OOEP: variants seen among roughly 807,000 people sequenced by gnomAD.
The protein encoded by OOEP is oocyte expressed protein.
In OOEP, 16 loss-of-function variants were observed where a neutral mutation model predicts 13.7. The ratio of observed to expected loss-of-function variants is 1.16; its 90% confidence interval spans 0.79 to 1.77. OOEP has a LOEUF of 1.77. Ranked by LOEUF, OOEP falls within the 40% of genes most tolerant of loss-of-function variation. OOEP has a pLI of 0.00. For synonymous variants in OOEP, 89 were observed against 77.1 expected, an observed-to-expected ratio of 1.15 and a Z score of -0.81; for missense variants, 195 against 193.1, an observed-to-expected ratio of 1.01 and a Z score of -0.06.
chr6:73,385,080 C>T (rs2150782436), intron 2 of OOEP, among the ~76,000 whole-genome samples: 1 of 150,002 alleles, frequency 6.7e-6, no homozygotes, highest in East Asian at 2.1e-4. Flanking sequence ...GGCGTGGTGG[C>T]TCACGCCTGT....
At chr6:73,379,797 T>C (rs1769178047) in intron 2 of OOEP, among the ~76,000 whole-genome samples, 1 of 152,064 alleles carries the variant, frequency 6.6e-6, no homozygotes, top group South Asian at 2.1e-4. Context: ...CCCAACCTGG[T>C]CTTAAACTCC....
upstream of OOEP, among the ~76,000 whole-genome samples, chr6:73,371,698 C>T (rs989800839): frequency 6.6e-6 from 1 of 151,414 alleles, no homozygotes; most frequent in African/African-American, 2.4e-5. Flanking sequence ...TGTCGTGAGC[C>T]AAGATCACAC....
chr6:73,370,754 C>T (rs1352393642), upstream of OOEP, among the ~76,000 whole-genome samples: 7 of 152,138 alleles, frequency 4.6e-5, no homozygotes, highest in Middle Eastern at 3.2e-3. Context: ...TATACTATTT[C>T]GTTCTTACAA....
rs1035144497 is a variant in OOEP at position 73,387,373 on chromosome 6, G to T, written c.25+6973C>A. Among the ~76,000 whole-genome samples, 7 of 151,882 alleles carry T rather than the reference G, an allele frequency of 4.6e-5. No individual in the cohort carries two copies. The East Asian group carries it at 1.2e-3, about 25-fold the overall frequency. Reference sequence around the variant, plus strand: ...AAAATACAAGAAAAAAATTAGCCGGGTGTGGTGGCAGGTGCCTTTAATCCC... The same window carrying T: ...AAAATACAAGAAAAAAATTAGCCGGTTGTGGTGGCAGGTGCCTTTAATCCC... On this transcript the variant is annotated intron_variant, in intron 2 of 3. Coordinates refer to the OOEP transcript ENST00000370363.
At position 73,368,669 on chromosome 6, in the gene OOEP, C is replaced by T; in HGVS notation, c.*115G>A. 4.3e-6 allele frequency: 3 copies of T among 697,758 alleles called. No homozygotes were observed. Among genetic ancestry groups the T allele is most frequent in the Non-Finnish European group, 7.6e-6 (3 of 395,122 alleles). The allele number at this position is 697,758 out of a possible 1,614,324, so 43.2% of individuals were successfully genotyped here. ...TCTTGCAACAAAATAAACCACAATC[C>T]ATCAAGACACAGGAAAAAGGAATAC... On this transcript the variant is annotated 3_prime_UTR_variant, in exon 3 of 3. Coordinates refer to ENST00000370359, the MANE Select transcript of OOEP (RefSeq NM_001080507.3).
chr6:73,388,165 C>T (rs1769299876), intron 2 of OOEP, among the ~76,000 whole-genome samples: 1 of 152,176 alleles, frequency 6.6e-6, no homozygotes, highest in Non-Finnish European at 1.5e-5. Context: ...GCGTGAGACA[C>T]CGCACTGGGC....
chr6:73,377,933 C>T (rs1769156205), intron 2 of OOEP, among the ~76,000 whole-genome samples: 1 of 152,106 alleles, frequency 6.6e-6, no homozygotes, highest in South Asian at 2.1e-4. Flanking sequence ...CCTTGGCCTT[C>T]CTGAAGTGCT....
upstream of OOEP, among the ~76,000 whole-genome samples, chr6:73,372,648 G>T (rs192854123): frequency 9.3e-4 from 141 of 152,300 alleles, no homozygotes; most frequent in South Asian, 2.3e-3. Flanking sequence ...CTCCTTGGAA[G>T]CCTGGGGACA....
Position 73,376,364 on chromosome 6 carries a change from T to G in OOEP, c.26-6979A>C, listed in dbSNP as rs1308234811. 7.8e-4 allele frequency among the ~76,000 whole-genome samples: 76 copies of G among 97,604 alleles called. 1 individual carries two copies. The highest frequency in any genetic ancestry group is 1.3e-3 in the East Asian group (4 of 3,088). The allele number at this position is 97,604 out of a possible 152,430, so 64.0% of individuals were successfully genotyped here. A position where few individuals can be genotyped will look rare whatever the true frequency, so the allele number is the denominator to read the frequency against. On this transcript the variant is annotated intron_variant, in intron 2 of 3. Transcript: ENST00000370363. ...GGGTTGTTTTTTTTTTTTTTTTTTT[T>G]TTTTTTTTGAATACAACATTCCACA... is the stretch of plus-strand genomic sequence containing the variant.
exon 1 of OOEP, chr6:73,394,963 A>G: frequency 6.2e-7 from 1 of 1,614,258 alleles, no homozygotes; most frequent in Non-Finnish European, 8.5e-7. Context: ...TAGTCGGCGA[A>G]GCTCGACAGT....
rs1460031662 is a variant in OOEP at position 73,393,115 on chromosome 6, A to ATT, written c.25+1229_25+1230dup. 8.4e-3 allele frequency among the ~76,000 whole-genome samples: 1,179 copies of ATT among 140,202 alleles called. 14 individuals are homozygous for ATT. Among genetic ancestry groups the ATT allele is most frequent in the African/African-American group, 0.028 (1,125 of 39,508 alleles). The allele number at this position is 140,202 out of a possible 152,430, so 92.0% of individuals were successfully genotyped here. On this transcript the variant is annotated intron_variant, in intron 2 of 3. Coordinates refer to the OOEP transcript ENST00000370363. Reference sequence around the variant, plus strand: ...GGATGATTGAACTGAAAAAAAAAAAATTTTTTTTTTTTGAGACAGGGTCTC... The same window carrying ATT: ...GGATGATTGAACTGAAAAAAAAAAAATTTTTTTTTTTTTTGAGACAGGGTCTC...
upstream of OOEP, among the ~76,000 whole-genome samples, chr6:73,371,857 G>A (rs1029913362): frequency 6.6e-6 from 1 of 152,172 alleles, no homozygotes; most frequent in Non-Finnish European, 1.5e-5. Flanking sequence ...GAACCCCAGA[G>A]GCAGAGGTTG....
intron 2 of OOEP, among the ~76,000 whole-genome samples, chr6:73,387,039 ACT>A (rs2150782947): frequency 6.6e-6 from 1 of 150,642 alleles, no homozygotes; most frequent in South Asian, 2.1e-4. Flanking sequence ...TAAAACCAAA[ACT>A]CTTAGCAGAA....
chr6:73,395,030 G>A lies in OOEP; in HGVS notation c.-430C>T. ...GAGTTGAATCGAACAGGTCCTGAGG[G>A]ATATAGTGTCGGCAGAGGTGGTCGC... On this transcript the variant is annotated 5_prime_UTR_variant, in exon 1 of 4. Transcript: ENST00000370363. 5 of 1,614,260 alleles carry A rather than the reference G, an allele frequency of 3.1e-6. No individual in the cohort carries two copies. The highest frequency in any genetic ancestry group is 1.1e-5 in the South Asian group (1 of 91,086).
At chr6:73,374,921 G>T (rs1246099423) in intron 2 of OOEP, among the ~76,000 whole-genome samples, 1 of 152,180 alleles carries the variant, frequency 6.6e-6, no homozygotes, top group East Asian at 1.9e-4. Context: ...CACCTCCCAG[G>T]TTCAAGCTAT....
At chr6:73,393,857 CTG>C (rs1274315396) in intron 2 of OOEP, among the ~76,000 whole-genome samples, 2 of 152,170 alleles carry the variant, frequency 1.3e-5, no homozygotes, top group Non-Finnish European at 2.9e-5. Context: ...ATCCAGAAGA[CTG>C]TGTAGAGCAA....
chr6:73,392,654 G>A (rs1424513829), intron 2 of OOEP, among the ~76,000 whole-genome samples: 1 of 116,266 alleles, frequency 8.6e-6, no homozygotes, highest in Non-Finnish European at 1.7e-5. Context: ...TTTTTGAGAT[G>A]GAGTCTCTCG....
At chr6:73,369,511 C>G (rs12214308) in intron 1 of OOEP, 92 bp downstream of exon 1, 1 of 1,507,798 alleles carries the variant, frequency 6.6e-7, no homozygotes, top group Non-Finnish European at 9.1e-7. Flanking sequence ...TCCTGGCTTG[C>G]GAATCTGGGA....
chr6:73,383,265 C>T (rs1007001965), intron 2 of OOEP, among the ~76,000 whole-genome samples: 8 of 152,154 alleles, frequency 5.3e-5, no homozygotes, highest in African/African-American at 1.9e-4. Context: ...CAAAATCATC[C>T]AGGAGCCAGG....
Sources: allele counts gnomAD v4.1 joint callset (sites outside exome capture counted in the v4.1 genomes callset), GRCh38; gene constraint gnomAD v4.1.1; transcripts MANE v1.5; gene names NCBI Gene and HGNC (gene_info 2026-07-23, HGNC 2026-07-21).